Variants in SFI1 observed in about 807,000 individuals in gnomAD.
SFI1 encodes SFI1 centrin binding protein, also known as protein SFI1 homolog.
In SFI1, 195 loss-of-function variants were observed where a neutral mutation model predicts 207.5. The ratio of observed to expected loss-of-function variants is 0.94; its 90% CI spans 0.84 to 1.06. The LOEUF is 1.06. Among genes scored for constraint, SFI1 ranks in the 50% least tolerant of loss-of-function variants. SFI1 has a pLI of 0.00. For synonymous variants in SFI1, 630 were observed against 598.9 expected (o/e 1.05, Z -0.76); for missense variants, 1,634 against 1,588.0 (o/e 1.03, Z -0.49).
At chr22:31,567,402 A>G (rs889254643) in intron 8 of SFI1, among the ~76,000 whole-genome samples, 2 of 152,210 alleles carry the variant, frequency 1.3e-5, no homozygotes, top group African/African-American at 4.8e-5. Context: ...TGCCTGATAA[A>G]AAAGGCTTTG....
At chr22:31,597,338 C>A (rs970990095) in intron 15 of SFI1, among the ~76,000 whole-genome samples, 1 of 152,174 alleles carries the variant, frequency 6.6e-6, no homozygotes, top group Non-Finnish European at 1.5e-5. Flanking sequence ...CGGTGTAGGC[C>A]TGATCTAGAT....
chr22:31,577,824 T>C (rs1328986355), intron 10 of SFI1: 4 of 152,276 alleles, frequency 2.6e-5, no homozygotes, highest in Admixed American at 6.6e-5. Flanking sequence ...AGACCAGTTA[T>C]GGGAGGAGGC....
At chr22:31,533,847 G>C (rs775665486) in intron 4 of SFI1, among the ~76,000 whole-genome samples, 3 of 151,712 alleles carry the variant, frequency 2.0e-5, no homozygotes, top group Non-Finnish European at 4.4e-5. Context: ...TCTCTTTTTT[G>C]TTTAATTTAT....
intron 12 of SFI1, among the ~76,000 whole-genome samples, chr22:31,581,287 C>CT (rs11382099): frequency 0.65 from 94,382 of 145,000 alleles, 31,027 homozygotes; most frequent in Non-Finnish European, 0.72. Flanking sequence ...CCCAAATATA[C>CT]TTTTTTTTTT....
intron 2 of SFI1, among the ~76,000 whole-genome samples, chr22:31,517,023 A>G (rs1261764122): frequency 6.6e-6 from 1 of 151,944 alleles, no homozygotes; most frequent in African/African-American, 2.4e-5. Flanking sequence ...AATCCCAGCT[A>G]CTTGGGAGGC....
rs1719520036 is a variant in SFI1 at position 31,618,572 on chromosome 22, A to G, written c.*154A>G. ...CAGAAGTCTCCCACTTTTCATACAAAAATACTGTGCTACTGATACAGTTGA... is the reference window on the plus strand; with the variant it reads ...CAGAAGTCTCCCACTTTTCATACAAGAATACTGTGCTACTGATACAGTTGA... On this transcript the variant is annotated 3_prime_UTR_variant, in exon 33 of 33. Transcript: ENST00000400288. 2 of 740,738 alleles carry G rather than the reference A, an allele frequency of 2.7e-6. No individual in the cohort carries two copies. Among genetic ancestry groups the G allele is most frequent in the Non-Finnish European group, 4.0e-6 (2 of 499,976 alleles). The allele number at this position is 740,738 out of a possible 1,614,324, so 45.9% of individuals were successfully genotyped here.
chr22:31,545,867 C>T (rs2060033060), intron 4 of SFI1, among the ~76,000 whole-genome samples: 1 of 148,512 alleles, frequency 6.7e-6, no homozygotes, highest in Non-Finnish European at 1.5e-5. Flanking sequence ...GTGTGAGCCA[C>T]CGTGTCCAGC....
In SFI1 at chr22:31,618,183, A is replaced by G; in HGVS notation, c.3581A>G (p.Glu1194Gly). ...CTGAACAGAGAGGAGCCGGGGCCTG[A>G]GGACCAGGAAGTAGAGCAGCAGGTG... ...LELNREEPGP[E>G]DQEVEQQVQK... The change falls in exon 32 of 33, where the codon GAG (glutamate) becomes GGG (glycine). Residue 1194 changes from glutamate to glycine, a missense_variant. By Grantham distance (98) the Glu-to-Gly change is moderately conservative. Coordinates refer to ENST00000400288, the MANE Select transcript of SFI1 (RefSeq NM_001007467.3). 6.3e-7 allele frequency: 1 copy of G among 1,595,932 alleles called. No homozygotes were observed. The highest frequency in any genetic ancestry group is 8.5e-7 in the Non-Finnish European group (1 of 1,173,232).
chr22:31,618,515 CA>C lies in SFI1; in HGVS notation c.*101del. ...GTTTTAAGTTTGATTTTTTTTATTT[CA>C]AAATGCTTTGCAATTAAATGAATTA... On this transcript the variant is annotated 3_prime_UTR_variant, in exon 33 of 33. Transcript: ENST00000400288. The C allele has an allele frequency of 8.2e-7, 1 of 1,224,874 alleles. No individual in the cohort carries two copies. The highest frequency in any genetic ancestry group is 1.1e-6 in the Non-Finnish European group (1 of 927,782). 75.9% of individuals were successfully genotyped at this position (1,224,874 alleles called of 1,614,324 possible).
Position 31,585,101 on chromosome 22 carries a change from G to A in SFI1, c.1380G>A (p.Trp460Ter), listed in dbSNP as rs781351206. Residue 460 changes from tryptophan (W) to a stop codon, truncating the protein, a stop_gained, in exon 14 of 33, where the codon TGG becomes TGA. Transcript: ENST00000400288. LOFTEE classifies it high-confidence loss of function. The part of the protein sequence containing the change: ...IALLCKCIEL[W>*]LQYTQKRRYK... ...TGCTGTGCAAATGTATCGAATTGTGGCTACAGTATACTCAGAAGAGGCGGT... is the reference window on the plus strand; with the variant it reads ...TGCTGTGCAAATGTATCGAATTGTGACTACAGTATACTCAGAAGAGGCGGT... 1 of 1,614,034 alleles carries A rather than the reference G, an allele frequency of 6.2e-7. No individual in the cohort carries two copies. Among genetic ancestry groups the A allele is most frequent in the Non-Finnish European group, 8.5e-7 (1 of 1,179,980 alleles).
intron 12 of SFI1, among the ~76,000 whole-genome samples, chr22:31,582,237 T>TATATATATATATATA (rs1168966383): frequency 7.5e-4 from 15 of 19,918 alleles, no homozygotes; most frequent in South Asian, 2.9e-3. Flanking sequence ...TATATATATA[T>TATATATATATATATA]TTTTTTTTTT....
chr22:31,535,077 G>A (rs1315533413), intron 4 of SFI1, among the ~76,000 whole-genome samples: 3 of 151,838 alleles, frequency 2.0e-5, no homozygotes, highest in African/African-American at 7.3e-5. Flanking sequence ...TTGTTGGCCA[G>A]GCTAGTCTTG....
At chr22:31,612,034 G>C (rs555279553) in intron 24 of SFI1, 194 bp downstream of exon 24, 1 of 1,383,718 alleles carries the variant, frequency 7.2e-7, no homozygotes, top group African/African-American at 1.5e-5. Flanking sequence ...GTCTGCATAA[G>C]AACAGTTACT....
At chr22:31,500,443 A>ATAAG (rs989853559) in intron 1 of SFI1, among the ~76,000 whole-genome samples, 2 of 152,100 alleles carry the variant, frequency 1.3e-5, no homozygotes, top group African/African-American at 4.8e-5. Flanking sequence ...TTTTTTAGCA[A>ATAAG]TAAGGTGTTT....
intron 15 of SFI1, among the ~76,000 whole-genome samples, chr22:31,591,146 G>A (rs1459045633): frequency 2.0e-5 from 3 of 152,190 alleles, no homozygotes; most frequent in East Asian, 1.9e-4. Flanking sequence ...CTGGTTACTT[G>A]AGATTAGGGA....
rs1188894774 is a variant in SFI1 at position 31,611,752 on chromosome 22, T to C, written c.2416-14T>C. On this transcript the variant is annotated splice_polypyrimidine_tract_variant and intron_variant, in intron 23 of 32. Transcript: ENST00000400288. ...GGTCAGGACGCCACTCTCTGTGCAC[T>C]TGCTCTCCCCCAGCTCCTGCACAGG... 1 of 1,608,424 alleles carries C rather than the reference T, an allele frequency of 6.2e-7. No individual in the cohort carries two copies. The highest frequency in any genetic ancestry group is 2.2e-5 in the East Asian group (1 of 44,646).
chr22:31,505,446 G>A (rs5753662), intron 1 of SFI1, among the ~76,000 whole-genome samples: 106,251 of 148,834 alleles, frequency 0.71, 38,014 homozygotes, highest in Non-Finnish European at 0.75. Context: ...CGGAAAAAAA[G>A]AAAAAGAAAA....
At chr22:31,496,669 C>G (rs1029926846) in intron 1 of SFI1, 32 bp downstream of exon 1, 3 of 152,306 alleles carry the variant, frequency 2.0e-5, no homozygotes, top group Admixed American at 2.0e-4. Flanking sequence ...TCCCCACCCT[C>G]TTCTGGGCTC....
intron 4 of SFI1, among the ~76,000 whole-genome samples, chr22:31,532,610 A>C (rs2058632104): frequency 6.6e-6 from 1 of 152,060 alleles, no homozygotes; most frequent in African/African-American, 2.4e-5. Context: ...AATGTCTCTC[A>C]AGCCAACTTG....
Sources: gnomAD v4.1 joint callset for allele counts (sites outside exome capture counted in the v4.1 genomes callset) on GRCh38, gnomAD v4.1.1 for gene constraint, MANE v1.5 for transcripts, NCBI Gene and HGNC (gene_info 2026-07-23, HGNC 2026-07-21) for gene names.